The following ALK variants were observed in gnomAD, a reference collection of about 807,000 sequenced individuals.
The protein encoded by ALK is ALK tyrosine kinase receptor.
In ALK, 74 loss-of-function variants were observed where a neutral mutation model predicts 163.1. That is an observed-to-expected ratio of 0.45 (90% CI 0.38 to 0.55). The LOEUF (loss-of-function observed/expected upper bound fraction) is 0.55. ALK is among the 20% of genes least tolerant of loss of function. The probability of loss-of-function intolerance (pLI) is 0.00; values close to 1 mark genes in which losing one functional copy is unlikely to be tolerated. For synonymous variants in ALK, 960 were observed against 843.2 expected (o/e 1.14, Z -2.40); for missense variants, 2,063 against 2,105.3 (o/e 0.98, Z 0.39).
chr2:29,919,948 A>T (rs751028449), intron 1 of ALK, 45 bp downstream of exon 1: 31 of 1,603,130 alleles, frequency 1.9e-5, no homozygotes, highest in South Asian at 8.9e-5. Context: ...TATCAATGTG[A>T]CTAAAAACAC....
chr2:29,899,902 G>A (rs759522275), intron 1 of ALK, among the ~76,000 whole-genome samples: 3 of 152,072 alleles, frequency 2.0e-5, no homozygotes, highest in East Asian at 1.9e-4. Flanking sequence ...TACTCTGAAC[G>A]GGTCTCTGTT....
chr2:29,736,005 A>G (rs1293720140), intron 1 of ALK, among the ~76,000 whole-genome samples: 2 of 152,106 alleles, frequency 1.3e-5, no homozygotes, highest in Non-Finnish European at 2.9e-5. Context: ...AAACTGAGCC[A>G]TCGAAAAGTA....
At chr2:29,314,052 G>A (rs1019153793) in intron 8 of ALK, among the ~76,000 whole-genome samples, 2 of 152,066 alleles carry the variant, frequency 1.3e-5, no homozygotes, top group Non-Finnish European at 2.9e-5. Flanking sequence ...CCTGCCTCTC[G>A]GCTTCCCTGC....
chr2:29,678,802 G>A (rs1274909840), intron 3 of ALK, among the ~76,000 whole-genome samples: 1 of 150,888 alleles, frequency 6.6e-6, no homozygotes, highest in African/African-American at 2.4e-5. Context: ...TTATGGCCTG[G>A]CATATGGTCT....
At chr2:29,678,240 T>C (rs1171756861) in intron 3 of ALK, among the ~76,000 whole-genome samples, 1 of 151,958 alleles carries the variant, frequency 6.6e-6, no homozygotes, top group African/African-American at 2.4e-5. Flanking sequence ...TGTTATTCTT[T>C]TCAAATAACA....
At chr2:29,871,664 T>G (rs1666579225) in intron 1 of ALK, among the ~76,000 whole-genome samples, 1 of 152,150 alleles carries the variant, frequency 6.6e-6, no homozygotes, top group Non-Finnish European at 1.5e-5. Context: ...CTTTGGACAC[T>G]CTACAGTGGT....
At chr2:29,659,852 C>G (rs79331948) in intron 3 of ALK, among the ~76,000 whole-genome samples, 1,665 of 152,246 alleles carry the variant, frequency 0.011, 16 homozygotes, top group South Asian at 0.046. Flanking sequence ...GCCTCCTTCT[C>G]TTCTTGTCTG....
intron 1 of ALK, among the ~76,000 whole-genome samples, chr2:29,888,528 G>A (rs998009019): frequency 1.3e-5 from 2 of 152,084 alleles, no homozygotes; most frequent in African/African-American, 4.8e-5. Context: ...CCACTGGGGT[G>A]GGCTGTTCCA....
chr2:29,796,474 T>C (rs1354656140), intron 1 of ALK, among the ~76,000 whole-genome samples: 3 of 152,130 alleles, frequency 2.0e-5, no homozygotes, highest in African/African-American at 7.2e-5. Flanking sequence ...AATCTGAAAA[T>C]TGTAATAAGA....
At position 29,193,856 on chromosome 2, in the gene ALK, C is replaced by T; in HGVS notation, c.4231G>A (p.Val1411Met). 1 of 1,613,740 alleles carries T rather than the reference C, an allele frequency of 6.2e-7. No individual in the cohort carries two copies. Among genetic ancestry groups the T allele is most frequent in the Non-Finnish European group, 8.5e-7 (1 of 1,179,870 alleles). ...TCAGGGTCCTTGGGCCTCACAGGCA[C>T]TTTCTCTTCCTCTTCCACAAGTGGA... ...YGPLVEEEEK[V>M]PVRPKDPEGV... Residue 1411 changes from valine (V) to methionine (M), a missense_variant, in exon 29 of 29, where the codon GTG becomes ATG. By Grantham distance (21) the Val-to-Met change is conservative. Transcript: ENST00000389048.
intron 4 of ALK, among the ~76,000 whole-genome samples, chr2:29,384,794 A>G (rs1327765361): frequency 6.6e-6 from 1 of 152,146 alleles, no homozygotes; most frequent in Non-Finnish European, 1.5e-5. Context: ...AATTACATGT[A>G]CAAAAAGTGT....
intron 5 of ALK, among the ~76,000 whole-genome samples, chr2:29,371,513 C>T (rs570089490): frequency 5.3e-4 from 80 of 152,318 alleles, no homozygotes; most frequent in African/African-American, 1.8e-3. Context: ...TCAGTCCTTG[C>T]TTACCTCTCC....
chr2:29,430,511 G>C (rs1297618367), intron 4 of ALK, among the ~76,000 whole-genome samples: 1 of 152,068 alleles, frequency 6.6e-6, no homozygotes, highest in Non-Finnish European at 1.5e-5. Flanking sequence ...AACAACCATA[G>C]AAAATACGTA....
chr2:29,705,264 T>TGC (rs1678868568), intron 2 of ALK, among the ~76,000 whole-genome samples: 1 of 55,796 alleles, frequency 1.8e-5, no homozygotes, highest in Non-Finnish European at 3.3e-5. Context: ...TATATATATA[T>TGC]ATATATATAT....
intron 4 of ALK, among the ~76,000 whole-genome samples, chr2:29,392,477 T>C (rs922958782): frequency 1.6e-4 from 25 of 152,224 alleles, no homozygotes; most frequent in Admixed American, 4.6e-4. Context: ...GTGCATCCTG[T>C]AGATATTTTG....
chr2:29,545,635 T>G (rs1673533240), intron 3 of ALK, among the ~76,000 whole-genome samples: 1 of 152,162 alleles, frequency 6.6e-6, no homozygotes. Context: ...CCCTGTGCAC[T>G]TTTACTGTCT....
intron 1 of ALK, among the ~76,000 whole-genome samples, chr2:29,872,576 C>T (rs1331432718): frequency 6.6e-6 from 1 of 152,178 alleles, no homozygotes; most frequent in East Asian, 1.9e-4. Context: ...GGTTGTGTGG[C>T]TGACTGGAAG....
chr2:29,778,815 C>T (rs1681251921), intron 1 of ALK, among the ~76,000 whole-genome samples: 1 of 152,112 alleles, frequency 6.6e-6, no homozygotes, highest in Non-Finnish European at 1.5e-5. Context: ...GCTGAACCCC[C>T]CGTGCGTCCT....
chr2:29,837,714 G>T (rs2148392529), intron 1 of ALK, among the ~76,000 whole-genome samples: 1 of 152,256 alleles, frequency 6.6e-6, no homozygotes, highest in South Asian at 2.1e-4. Flanking sequence ...TAAATTGCCT[G>T]CCAGAACAAA....
Sources: gnomAD v4.1 joint callset for allele counts (sites outside exome capture counted in the v4.1 genomes callset) on GRCh38, gnomAD v4.1.1 for gene constraint, MANE v1.5 for transcripts, NCBI Gene and HGNC (gene_info 2026-07-23, HGNC 2026-07-21) for gene names.